CSMD1: variants seen among roughly 807,000 people sequenced by gnomAD.
The protein encoded by CSMD1 is CUB and sushi domain-containing protein 1.
A neutral mutation model predicts 417.5 loss-of-function variants in CSMD1; 213 were observed. That is an observed-to-expected ratio of 0.51 (90% CI 0.46 to 0.57). CSMD1 has a LOEUF of 0.57. CSMD1 is among the 20% of genes least tolerant of loss of function. The pLI is 0.00. For missense variants in CSMD1, 6,923 were observed against 4,529.7 expected, an observed-to-expected ratio of 1.53 and a Z score of -15.17; for synonymous variants, 2,862 against 1,736.8, an observed-to-expected ratio of 1.65 and a Z score of -16.11.
At chr8:3,807,832 T>A (rs1260577252) in intron 5 of CSMD1, among the ~76,000 whole-genome samples, 2 of 152,158 alleles carry the variant, frequency 1.3e-5, no homozygotes, top group Non-Finnish European at 2.9e-5. Context: ...TCCTAGCACA[T>A]TTACAAATGG....
intron 3 of CSMD1, among the ~76,000 whole-genome samples, chr8:4,202,618 G>T (rs1357227692): frequency 6.6e-6 from 1 of 152,136 alleles, no homozygotes; most frequent in Non-Finnish European, 1.5e-5. Flanking sequence ...TGAGTATCAT[G>T]GTGGATATTG....
chr8:4,446,765 G>GTGTC (rs1554480700), intron 2 of CSMD1, among the ~76,000 whole-genome samples: 1 of 94,418 alleles, frequency 1.1e-5, no homozygotes, highest in Admixed American at 1.1e-4. Flanking sequence ...CTGTGTGTGT[G>GTGTC]TGTGTGTGTG....
At chr8:4,098,706 A>G (rs1216148107) in intron 3 of CSMD1, among the ~76,000 whole-genome samples, 2 of 152,136 alleles carry the variant, frequency 1.3e-5, no homozygotes, top group African/African-American at 4.8e-5. Context: ...TGTAGCACCT[A>G]CTCTAGGTTT....
intron 3 of CSMD1, among the ~76,000 whole-genome samples, chr8:4,143,084 A>G (rs1177732433): frequency 6.6e-6 from 1 of 150,478 alleles, no homozygotes; most frequent in Non-Finnish European, 1.5e-5. Context: ...GTTTAGTGAC[A>G]TGATATCTTC....
intron 1 of CSMD1, among the ~76,000 whole-genome samples, chr8:4,803,818 G>C (rs1370671774): frequency 6.6e-6 from 1 of 152,192 alleles, no homozygotes; most frequent in South Asian, 2.1e-4. Context: ...TGAGCTCATA[G>C]AATATCCTTG....
intron 1 of CSMD1, among the ~76,000 whole-genome samples, chr8:4,840,417 C>T (rs1484919135): frequency 2.6e-5 from 4 of 152,148 alleles, no homozygotes; most frequent in African/African-American, 7.2e-5. Flanking sequence ...AACATTTTAA[C>T]CACTTATATG....
intron 2 of CSMD1, among the ~76,000 whole-genome samples, chr8:4,427,512 C>T (rs180727274): frequency 1.9e-4 from 29 of 150,500 alleles, no homozygotes; most frequent in Non-Finnish European, 1.2e-4. Flanking sequence ...CACACACACA[C>T]ATGCACACTC....
chr8:3,599,149 GTCTGTGTGTGTGTC>G (rs1326648639), intron 8 of CSMD1, among the ~76,000 whole-genome samples: 2 of 146,408 alleles, frequency 1.4e-5, no homozygotes, highest in African/African-American at 2.7e-5. Flanking sequence ...GTGTGTGTGT[GTCTGTGTGTGTGTC>G]TGTGTGTGTG....
chr8:4,473,313 A>C lies in CSMD1; in HGVS notation c.303-53248T>G, dbSNP rs955440265. 5.9e-5 allele frequency among the ~76,000 whole-genome samples: 9 copies of C among 152,322 alleles called. No homozygotes were observed. The East Asian group carries it at 1.2e-3, about 20-fold the overall frequency. On this transcript the variant is annotated intron_variant, in intron 2 of 69. Transcript: ENST00000635120. Reference sequence around the variant, plus strand: ...GACAATCAATGTGAGTTCTTAACACAAAAGGAGGGAAAATCAGCAGAGACA... The same window carrying C: ...GACAATCAATGTGAGTTCTTAACACCAAAGGAGGGAAAATCAGCAGAGACA...
chr8:4,405,987 G>A (rs1274323836), intron 3 of CSMD1, among the ~76,000 whole-genome samples: 2 of 152,146 alleles, frequency 1.3e-5, no homozygotes, highest in African/African-American at 4.8e-5. Flanking sequence ...AACAGACATG[G>A]CTGTGACGAG....
At chr8:4,875,997 TAGTAAAG>T (rs1421041488) in intron 1 of CSMD1, among the ~76,000 whole-genome samples, 1 of 152,086 alleles carries the variant, frequency 6.6e-6, no homozygotes, top group Non-Finnish European at 1.5e-5. Flanking sequence ...TTTATTTTTA[TAGTAAAG>T]AGTAAAAAGT....
chr8:3,338,188 C>T (rs950750642), intron 23 of CSMD1, among the ~76,000 whole-genome samples: 5 of 152,148 alleles, frequency 3.3e-5, no homozygotes, highest in African/African-American at 1.2e-4. Flanking sequence ...ATATCTGAAT[C>T]CAGTTGTTGA....
chr8:3,402,847 T>A (rs1346621440), intron 15 of CSMD1, among the ~76,000 whole-genome samples: 5 of 152,232 alleles, frequency 3.3e-5, no homozygotes, highest in Admixed American at 3.3e-4. Context: ...TCTAACTTTT[T>A]AATCTTATTA....
At chr8:3,729,845 T>G (rs1802718537) in intron 6 of CSMD1, among the ~76,000 whole-genome samples, 1 of 148,010 alleles carries the variant, frequency 6.8e-6, no homozygotes, top group South Asian at 2.1e-4. Context: ...CCTTGCATAT[T>G]CCATGTATTG....
At chr8:4,832,143 T>A (rs1472708810) in intron 1 of CSMD1, among the ~76,000 whole-genome samples, 2 of 152,184 alleles carry the variant, frequency 1.3e-5, no homozygotes, top group Admixed American at 6.5e-5. Flanking sequence ...TCTGTTTTCC[T>A]GGTATTTTAA....
chr8:4,672,138 C>G (rs1045763379), intron 1 of CSMD1, among the ~76,000 whole-genome samples: 2 of 152,170 alleles, frequency 1.3e-5, no homozygotes, highest in African/African-American at 4.8e-5. Context: ...TTGCATGAGG[C>G]TCTCACACAG....
At chr8:4,537,023 A>G (rs561292365) in intron 2 of CSMD1, among the ~76,000 whole-genome samples, 1 of 152,230 alleles carries the variant, frequency 6.6e-6, no homozygotes, top group Non-Finnish European at 1.5e-5. Flanking sequence ...ACGGTCTTAT[A>G]TTAAACATCA....
chr8:4,455,597 T>A (rs748409729), intron 2 of CSMD1, among the ~76,000 whole-genome samples: 1 of 151,978 alleles, frequency 6.6e-6, no homozygotes, highest in Non-Finnish European at 1.5e-5. Flanking sequence ...ATTGTGAATT[T>A]TTAAATCATC....
At chr8:3,781,511 C>G (rs955899605) in intron 5 of CSMD1, among the ~76,000 whole-genome samples, 1 of 151,872 alleles carries the variant, frequency 6.6e-6, no homozygotes, top group Non-Finnish European at 1.5e-5. Context: ...GTTAGGTGTG[C>G]GATTGTGGAC....
Sources: gnomAD v4.1 joint callset for allele counts (sites outside exome capture counted in the v4.1 genomes callset) on GRCh38, gnomAD v4.1.1 for gene constraint, MANE v1.5 for transcripts, NCBI Gene and HGNC (gene_info 2026-07-23, HGNC 2026-07-21) for gene names.